Variants in FGF1 observed in about 807,000 individuals in gnomAD.
FGF1 encodes the protein beta-endothelial cell growth factor.
In FGF1, 9 loss-of-function variants were observed where a neutral mutation model predicts 13.4. That is an observed-to-expected ratio of 0.67 (90% confidence interval 0.40 to 1.17). FGF1 has a LOEUF of 1.17. Ranked by LOEUF, FGF1 falls within the 50% of genes most tolerant of loss-of-function variation. The pLI, the probability that FGF1 is intolerant of heterozygous loss-of-function variation, is 0.01. For synonymous variants in FGF1, 93 were observed against 79.0 expected (o/e 1.18, Z -0.94); for missense variants, 156 against 192.7 (o/e 0.81, Z 1.13).
In FGF1 at chr5:142,654,795, C is replaced by A. The variant is rs112378256; in HGVS notation, c.-35+31162G>T. On this transcript the variant is annotated intron_variant, in intron 1 of 3. Coordinates refer to ENST00000337706, the MANE Select transcript of FGF1 (RefSeq NM_000800.5). ...CAGGGGCCAATCTCCCTTTGCCTGG[C>A]GAGTGGGCCCCAGGCATTCACACGG... Among the ~76,000 whole-genome samples the A allele has an allele frequency of 3.4e-3, 518 of 152,296 alleles. 5 individuals are homozygous for A. The highest frequency in any genetic ancestry group is 0.012 in the African/African-American group (491 of 41,554).
chr5:142,664,061 G>A lies in FGF1; in HGVS notation c.-35+21896C>T, dbSNP rs148923294. ...AGCTGCTGCTAGGGTCCTGCTGAAG[G>A]GGTCACCTGGCCTCACAACCAGCAC... On this transcript the variant is annotated intron_variant, in intron 1 of 3. Transcript: ENST00000337706. 1.2e-3 allele frequency among the ~76,000 whole-genome samples: 181 copies of A among 152,286 alleles called. 1 individual carries two copies. Among genetic ancestry groups the A allele is most frequent in the African/African-American group, 4.0e-3 (165 of 41,558 alleles).
At chr5:142,604,564 C>T (rs566458293) in intron 2 of FGF1, among the ~76,000 whole-genome samples, 1 of 152,118 alleles carries the variant, frequency 6.6e-6, no homozygotes, top group Non-Finnish European at 1.5e-5. Context: ...GCCTCTGTTT[C>T]CTTATCTATA....
chr5:142,626,566 T>C (rs966872493), intron 1 of FGF1, among the ~76,000 whole-genome samples: 1 of 152,220 alleles, frequency 6.6e-6, no homozygotes, highest in Non-Finnish European at 1.5e-5. Flanking sequence ...TTCTTTTTAC[T>C]CTACCAGCCC....
At chr5:142,603,438 T>C (rs926098743) in intron 2 of FGF1, among the ~76,000 whole-genome samples, 1 of 152,104 alleles carries the variant, frequency 6.6e-6, no homozygotes, top group African/African-American at 2.4e-5. Flanking sequence ...CCCTTGTTTC[T>C]TTCATGGCAC....
chr5:142,598,434 T>C (rs1755757463), intron 3 of FGF1, among the ~76,000 whole-genome samples: 1 of 152,180 alleles, frequency 6.6e-6, no homozygotes, highest in South Asian at 2.1e-4. Context: ...GTTTAAATTG[T>C]CTTCTTTTTT....
intron 1 of FGF1, among the ~76,000 whole-genome samples, chr5:142,653,041 G>A (rs543073313): frequency 1.3e-4 from 20 of 152,140 alleles, no homozygotes; most frequent in Non-Finnish European, 2.5e-4. Context: ...TAAACTCTTG[G>A]TGGCTGTTTT....
At chr5:142,662,936 A>T (rs1038853387) in intron 1 of FGF1, among the ~76,000 whole-genome samples, 1 of 151,746 alleles carries the variant, frequency 6.6e-6, no homozygotes, top group Non-Finnish European at 1.5e-5. Context: ...CAACCCTCCC[A>T]CCTCAGCCTC....
At chr5:142,695,696 G>C (rs1160935639) in intron 2 of FGF1, among the ~76,000 whole-genome samples, 1 of 151,852 alleles carries the variant, frequency 6.6e-6, no homozygotes, top group East Asian at 1.9e-4. Context: ...CAATTAACTG[G>C]ATGCACTTAA....
intron 1 of FGF1, among the ~76,000 whole-genome samples, chr5:142,644,853 A>G (rs576981795): frequency 9.8e-5 from 15 of 152,342 alleles, no homozygotes; most frequent in Admixed American, 9.8e-4. Flanking sequence ...ATGAACAAGC[A>G]ACAAAACCTT....
At position 142,595,348 on chromosome 5, in the gene FGF1, C is replaced by A; in HGVS notation, c.410G>T (p.Arg137Leu). 6.2e-7 allele frequency: 1 copy of A among 1,614,000 alleles called. No individual in the cohort carries two copies. Among genetic ancestry groups the A allele is most frequent in the Non-Finnish European group, 8.5e-7 (1 of 1,179,930 alleles). ...KKNGSCKRGP[R>L]THYGQKAILF... ...GATTGCTTTCTGGCCATAGTGAGTC[C>A]GAGGACCGCGTTTGCAGCTCCCATT... is the stretch of plus-strand genomic sequence containing the variant. The change falls in exon 4 of 4, where the codon CGG (arginine) becomes CTG (leucine). Residue 137 changes from arginine to leucine, a missense_variant. By Grantham distance (102) the Arg-to-Leu change is moderately radical. Transcript: ENST00000337706.
At chr5:142,640,384 C>T (rs2339246) in intron 1 of FGF1, among the ~76,000 whole-genome samples, 93,596 of 136,668 alleles carry the variant, frequency 0.68, 30,744 homozygotes, top group African/African-American at 0.8. Context: ...AAGGAGCCCA[C>T]GGGGGCTGGA....
At chr5:142,674,460 T>C (rs1372109921) in intron 1 of FGF1, among the ~76,000 whole-genome samples, 1 of 152,060 alleles carries the variant, frequency 6.6e-6, no homozygotes, top group Non-Finnish European at 1.5e-5. Context: ...CCATTTCCTG[T>C]GAATGTAGGT....
intron 2 of FGF1, among the ~76,000 whole-genome samples, chr5:142,696,112 T>G (rs1235186882): frequency 6.6e-6 from 1 of 152,228 alleles, no homozygotes; most frequent in East Asian, 1.9e-4. Context: ...ACAAGCATCC[T>G]GCTGTCTTTC....
Position 142,614,166 on chromosome 5 carries a change from A to C in FGF1, c.-34-5T>G. 6.2e-7 allele frequency: 1 copy of C among 1,610,792 alleles called. No individual in the cohort carries two copies. Among genetic ancestry groups the C allele is most frequent in the Admixed American group, 1.7e-5 (1 of 59,672 alleles). ...CTGCTTGTGGCGCTTTCAAGACTGT[A>C]AGAAATTGAACAAACCTGTAGTCGG... is the stretch of plus-strand genomic sequence containing the variant. On this transcript the variant is annotated splice_polypyrimidine_tract_variant and splice_region_variant and intron_variant, in intron 1 of 3. Coordinates refer to ENST00000337706, the MANE Select transcript of FGF1 (RefSeq NM_000800.5).
intron 1 of FGF1, among the ~76,000 whole-genome samples, chr5:142,651,630 T>C (rs997854018): frequency 6.6e-6 from 1 of 152,216 alleles, no homozygotes; most frequent in Admixed American, 6.5e-5. Context: ...TTAAAAATCC[T>C]TCATGTTCTA....
At chr5:142,606,244 G>GTGTA (rs757287377) in intron 2 of FGF1, among the ~76,000 whole-genome samples, 205 of 147,960 alleles carry the variant, frequency 1.4e-3, no homozygotes, top group African/African-American at 4.6e-3. Context: ...GTGTGTGTGT[G>GTGTA]TATGTAGTTT....
chr5:142,607,289 A>AC (rs896256369), intron 2 of FGF1, among the ~76,000 whole-genome samples: 1 of 151,628 alleles, frequency 6.6e-6, no homozygotes, highest in Non-Finnish European at 1.5e-5. Context: ...CTTTTTCAAT[A>AC]CCCCCCGACC....
intron 1 of FGF1, among the ~76,000 whole-genome samples, chr5:142,665,273 C>T (rs983201578): frequency 6.6e-6 from 1 of 152,054 alleles, no homozygotes; most frequent in African/African-American, 2.4e-5. Flanking sequence ...TCACCTCACA[C>T]CCCTCACCCC....
At chr5:142,614,544 G>A (rs17223604) in intron 1 of FGF1, among the ~76,000 whole-genome samples, 3,195 of 152,262 alleles carry the variant, frequency 0.021, 78 homozygotes, top group East Asian at 0.12. Flanking sequence ...GGGTCTGGCT[G>A]AAACCCACAA....
Sources: gnomAD v4.1 joint callset for allele counts (sites outside exome capture counted in the v4.1 genomes callset) on GRCh38, gnomAD v4.1.1 for gene constraint, MANE v1.5 for transcripts, NCBI Gene and HGNC (gene_info 2026-07-23, HGNC 2026-07-21) for gene names.